The following SLC9A4 variants were observed in gnomAD, a reference collection of about 807,000 sequenced individuals.
SLC9A4 encodes the protein sodium/hydrogen exchanger 4.
Under a neutral mutation model 67.4 loss-of-function variants are expected in SLC9A4, and 63 were observed. The observed-to-expected ratio is 0.93, with a 90% CI of 0.76 to 1.15. The LOEUF is 1.15. Ranked by LOEUF, SLC9A4 falls within the 50% of genes most tolerant of loss-of-function variation. SLC9A4 has a pLI of 0.00. For synonymous variants in SLC9A4, 393 were observed against 367.2 expected, an observed-to-expected ratio of 1.07 and a Z score of -0.80; for missense variants, 1,089 against 987.7, an observed-to-expected ratio of 1.10 and a Z score of -1.38.
rs114897086 is a variant in SLC9A4 at position 102,530,209 on chromosome 2, T to G, written c.2039-2121T>G. On this transcript the variant is annotated intron_variant, in intron 11 of 11. Coordinates refer to ENST00000295269, the MANE Select transcript of SLC9A4 (RefSeq NM_001011552.4). ...TGCATCAGGTAGTTCATCCTCTGTG[T>G]GTTGGGGCCCGCCCTGCGCTGAGCA... 4.8e-3 allele frequency among the ~76,000 whole-genome samples: 728 copies of G among 152,316 alleles called. 12 individuals carry two copies. The highest frequency in any genetic ancestry group is 0.017 in the African/African-American group (694 of 41,562).
At chr2:102,480,011 A>T (rs193161705) in intron 2 of SLC9A4, among the ~76,000 whole-genome samples, 222 of 152,372 alleles carry the variant, frequency 1.5e-3, no homozygotes, top group African/African-American at 4.8e-3. Flanking sequence ...AAAAACCTTC[A>T]GCAGTTGTTA....
intron 6 of SLC9A4, among the ~76,000 whole-genome samples, chr2:102,509,588 C>A (rs1427853357): frequency 1.3e-5 from 2 of 152,156 alleles, no homozygotes; most frequent in African/African-American, 4.8e-5. Flanking sequence ...ATCCCAATAC[C>A]CCAAAAGTCT....
In SLC9A4 at chr2:102,476,127, A is replaced by G. The variant is rs569926432; in HGVS notation, c.256+2112A>G. 4.6e-5 allele frequency among the ~76,000 whole-genome samples: 7 copies of G among 152,304 alleles called. No individual in the cohort carries two copies. The South Asian group carries it at 6.2e-4, about 14-fold the overall frequency. ...AGAAAAACATCAAAACTCTCCCCCAATCCTTTTTAAAACACCCAACTATAT... is the reference window on the plus strand; with the variant it reads ...AGAAAAACATCAAAACTCTCCCCCAGTCCTTTTTAAAACACCCAACTATAT... On this transcript the variant is annotated intron_variant, in intron 1 of 11. Transcript: ENST00000295269.
intron 4 of SLC9A4, among the ~76,000 whole-genome samples, chr2:102,507,844 CACACA>C (rs1259099700): frequency 6.6e-6 from 1 of 152,118 alleles, no homozygotes. Context: ...CAGGCACATA[CACACA>C]ACACATGCCA....
intron 8 of SLC9A4, among the ~76,000 whole-genome samples, chr2:102,517,899 G>A: frequency 6.6e-6 from 1 of 152,100 alleles, no homozygotes; most frequent in Non-Finnish European, 1.5e-5. Context: ...GAGTCTTTTG[G>A]TTTATAAGTT....
At chr2:102,474,622 CT>C (rs908268744) in intron 1 of SLC9A4, among the ~76,000 whole-genome samples, 5 of 152,170 alleles carry the variant, frequency 3.3e-5, no homozygotes, top group African/African-American at 1.2e-4. Context: ...CTCTAATTTC[CT>C]TTGTGAAATA....
In SLC9A4 at chr2:102,473,494, G is replaced by T. The variant is rs1684263421; in HGVS notation, c.-266G>T. The T allele has an allele frequency of 2.1e-6, 1 of 466,616 alleles. No homozygotes were observed. Among genetic ancestry groups the T allele is most frequent in the South Asian group, 3.3e-5 (1 of 30,420 alleles). The allele number at this position is 466,616 out of a possible 1,614,324, so 28.9% of individuals were successfully genotyped here. Reference sequence around the variant, plus strand: ...CCATGATTGGATGGAGGTCCTCCAGGTAGCTCCATGGACTTTAACAAGTCT... The same window carrying T: ...CCATGATTGGATGGAGGTCCTCCAGTTAGCTCCATGGACTTTAACAAGTCT... On this transcript the variant is annotated 5_prime_UTR_variant, in exon 1 of 12. Coordinates refer to ENST00000295269, the MANE Select transcript of SLC9A4 (RefSeq NM_001011552.4).
At chr2:102,514,030 A>G (rs1255671326) in intron 7 of SLC9A4, 60 bp from the exon 8 acceptor site, 5 of 1,556,868 alleles carry the variant, frequency 3.2e-6, no homozygotes, top group Admixed American at 1.9e-5. Flanking sequence ...AGAGAAATGC[A>G]TACTTAATGT....
chr2:102,499,457 T>G lies in SLC9A4; in HGVS notation c.721-3991T>G, dbSNP rs546651400. Among the ~76,000 whole-genome samples, 180 of 152,354 alleles carry G rather than the reference T, an allele frequency of 1.2e-3. 1 individual carries two copies. Among genetic ancestry groups the G allele is most frequent in the African/African-American group, 4.1e-3 (172 of 41,588 alleles). On this transcript the variant is annotated intron_variant, in intron 2 of 11. Transcript: ENST00000295269. The stretch of plus-strand genomic sequence containing the variant: ...TCTTAACCAAATTCAGTTTAAGATC[T>G]CTGCAAGTCTTTCTCTTTTTAAGTA...
intron 3 of SLC9A4, among the ~76,000 whole-genome samples, chr2:102,504,092 G>T (rs936057864): frequency 6.6e-6 from 1 of 152,034 alleles, no homozygotes; most frequent in Non-Finnish European, 1.5e-5. Context: ...TCGCTCTGTC[G>T]CCCAGGCTGG....
intron 2 of SLC9A4, among the ~76,000 whole-genome samples, chr2:102,492,276 G>T (rs1398916959): frequency 1.3e-5 from 2 of 152,238 alleles, no homozygotes; most frequent in Non-Finnish European, 2.9e-5. Flanking sequence ...CAAATGGGGA[G>T]TCTGTGTGGG....
rs765421228 is a variant in SLC9A4, at chr2:102,532,444, GAGGA to G, written c.2161_2164del (p.Lys721HisfsTer19). 6.2e-7 allele frequency: 1 copy of G among 1,614,250 alleles called. No homozygotes were observed. The highest frequency in any genetic ancestry group is 1.3e-5 in the African/African-American group (1 of 75,060). Reference sequence around the variant, plus strand: ...ATAATACCAATGAAGAGCCTACACAGAGGAAGGAAGGCATTCAGCTTTGGTTATC... The same window carrying G: ...ATAATACCAATGAAGAGCCTACACAGAGGAAGGCATTCAGCTTTGGTTATC... On this transcript the variant is annotated frameshift_variant, in exon 12 of 12. Coordinates refer to ENST00000295269, the MANE Select transcript of SLC9A4 (RefSeq NM_001011552.4). LOFTEE classifies it low-confidence loss of function (END_TRUNC).
chr2:102,500,305 C>G (rs1320544362), intron 2 of SLC9A4, among the ~76,000 whole-genome samples: 2 of 152,128 alleles, frequency 1.3e-5, no homozygotes, highest in Admixed American at 1.3e-4. Context: ...AGGGCCCTCC[C>G]CTAACGCCTT....
At chr2:102,526,429 T>A in intron 11 of SLC9A4, 83 bp downstream of exon 11, 1 of 1,269,132 alleles carries the variant, frequency 7.9e-7, no homozygotes, top group Non-Finnish European at 1.1e-6. Context: ...AGAGGCAACA[T>A]TAAGAACATT....
intron 8 of SLC9A4, among the ~76,000 whole-genome samples, chr2:102,517,954 T>C (rs965460110): frequency 6.6e-6 from 1 of 152,238 alleles, no homozygotes; most frequent in African/African-American, 2.4e-5. Context: ...TCTAAAGCTG[T>C]ATCTCCTGTG....
At chr2:102,475,097 T>G (rs10200081) in intron 1 of SLC9A4, among the ~76,000 whole-genome samples, 1 of 152,086 alleles carries the variant, frequency 6.6e-6, no homozygotes, top group Non-Finnish European at 1.5e-5. Context: ...GAATATTAAA[T>G]AGGAATGTTA....
chr2:102,480,146 T>C (rs1684427888), intron 2 of SLC9A4, among the ~76,000 whole-genome samples: 1 of 152,186 alleles, frequency 6.6e-6, no homozygotes, highest in Non-Finnish European at 1.5e-5. Flanking sequence ...CTATATAGCA[T>C]GAAACACAAA....
intron 11 of SLC9A4, among the ~76,000 whole-genome samples, chr2:102,530,588 T>G (rs926194071): frequency 2.0e-5 from 3 of 152,194 alleles, no homozygotes; most frequent in African/African-American, 7.2e-5. Flanking sequence ...ACCAAAACAG[T>G]GACCAGGGTC....
At position 102,532,684 on chromosome 2, in the gene SLC9A4, A is replaced by T; in HGVS notation, c.2393A>T (p.Lys798Ile). Residue 798 changes from lysine (K) to isoleucine (I), a missense_variant, in exon 12 of 12, where the codon AAA becomes ATA. Lys to Ile is a moderately radical substitution (Grantham distance 102, BLOSUM62 -3). Transcript: ENST00000295269. The part of the protein sequence containing the change: ...HRSHSPLLQK[K>I] ...TCCCATAGTCCTTTGCTCCAAAAAA[A>T]ATAGTGTTATTGTCCACAAGATTGT... 1 of 1,611,520 alleles carries T rather than the reference A, an allele frequency of 6.2e-7. No individual in the cohort carries two copies.
Sources: gnomAD v4.1 joint callset for allele counts (sites outside exome capture counted in the v4.1 genomes callset) on GRCh38, gnomAD v4.1.1 for gene constraint, MANE v1.5 for transcripts, NCBI Gene and HGNC (gene_info 2026-07-23, HGNC 2026-07-21) for gene names.